CNTLN: variants seen among roughly 807,000 people sequenced by gnomAD.
CNTLN encodes centlein, centrosomal protein.
A neutral mutation model predicts 180.0 loss-of-function variants in CNTLN; 212 were observed. The observed-to-expected ratio is 1.18, with a 90% confidence interval of 1.05 to 1.32. CNTLN has a LOEUF of 1.32. Among genes scored for constraint, CNTLN ranks in the 40% most tolerant of loss-of-function variants. The probability of loss-of-function intolerance (pLI) is 0.00; values close to 1 mark genes in which losing one functional copy is unlikely to be tolerated. For missense variants in CNTLN, 2,095 were observed against 1,610.9 expected (o/e 1.30, Z -5.14); for synonymous variants, 722 against 563.1 (o/e 1.28, Z -3.99).
At chr9:17,490,874 G>A (rs532203977) in intron 25 of CNTLN, among the ~76,000 whole-genome samples, 17 of 152,050 alleles carry the variant, frequency 1.1e-4, no homozygotes, top group Non-Finnish European at 2.2e-4. Context: ...TTCTTTAAAT[G>A]CAATTGAACT....
At chr9:17,379,537 G>A (rs886948557) in intron 13 of CNTLN, among the ~76,000 whole-genome samples, 2 of 152,110 alleles carry the variant, frequency 1.3e-5, no homozygotes, top group African/African-American at 4.8e-5. Flanking sequence ...GTAAGCTGGG[G>A]TAATTAAAGA....
chr9:17,493,580 TCTG>T (rs1833286917), intron 25 of CNTLN, among the ~76,000 whole-genome samples: 1 of 152,162 alleles, frequency 6.6e-6, no homozygotes, highest in Non-Finnish European at 1.5e-5. Flanking sequence ...GTCACCTCAT[TCTG>T]TTTTTTTAAC....
chr9:17,472,683 A>G (rs1368941413), intron 23 of CNTLN, among the ~76,000 whole-genome samples: 21 of 152,118 alleles, frequency 1.4e-4, no homozygotes. Flanking sequence ...AAAGTTCTGC[A>G]TTGGGAAGAA....
At chr9:17,169,043 G>A (rs1586988595) in intron 2 of CNTLN, among the ~76,000 whole-genome samples, 1 of 152,134 alleles carries the variant, frequency 6.6e-6, no homozygotes, top group South Asian at 2.1e-4. Context: ...TGTCACCCAG[G>A]ATAGAGTATA....
intron 6 of CNTLN, among the ~76,000 whole-genome samples, chr9:17,290,997 C>T (rs1044678993): frequency 4.6e-5 from 7 of 152,110 alleles, no homozygotes; most frequent in African/African-American, 7.2e-5. Context: ...GAGCTGTAGA[C>T]CGGAGCTGTT....
intron 15 of CNTLN, among the ~76,000 whole-genome samples, chr9:17,407,699 C>T (rs778022109): frequency 3.3e-5 from 5 of 152,116 alleles, no homozygotes; most frequent in Non-Finnish European, 7.3e-5. Flanking sequence ...ATGATGTATA[C>T]GCCAGAGAAG....
chr9:17,290,933 G>A (rs567311649), intron 6 of CNTLN, among the ~76,000 whole-genome samples: 24 of 152,238 alleles, frequency 1.6e-4, no homozygotes, highest in African/African-American at 5.1e-4. Flanking sequence ...AGAGAAACCC[G>A]GTACCTCAGA....
chr9:17,135,626 T>G (rs1157144189), intron 1 of CNTLN, among the ~76,000 whole-genome samples: 4 of 152,092 alleles, frequency 2.6e-5, no homozygotes, highest in African/African-American at 9.7e-5. Flanking sequence ...CCTGCCCCTT[T>G]CCGAACTGCG....
chr9:17,400,133 A>ATTAT (rs1424641397), intron 15 of CNTLN, among the ~76,000 whole-genome samples: 3 of 151,898 alleles, frequency 2.0e-5, no homozygotes, highest in Admixed American at 6.6e-5. Flanking sequence ...CAACTCTACC[A>ATTAT]TTATTTATTT....
chr9:17,319,807 A>G (rs1268740442), intron 8 of CNTLN, among the ~76,000 whole-genome samples: 1 of 151,542 alleles, frequency 6.6e-6, no homozygotes, highest in Non-Finnish European at 1.5e-5. Context: ...TTTTTCTTAT[A>G]TTGGTGGGGA....
chr9:17,243,303 G>T (rs544668770), intron 5 of CNTLN, among the ~76,000 whole-genome samples: 22 of 151,810 alleles, frequency 1.4e-4, no homozygotes, highest in South Asian at 2.1e-4. Context: ...TTTGTATTGT[G>T]TATTTCAATT....
At chr9:17,219,154 C>T (rs1356336255) in intron 2 of CNTLN, among the ~76,000 whole-genome samples, 1 of 151,930 alleles carries the variant, frequency 6.6e-6, no homozygotes, top group Non-Finnish European at 1.5e-5. Flanking sequence ...TCGCTCACAT[C>T]ATTATTGCAC....
intron 2 of CNTLN, among the ~76,000 whole-genome samples, chr9:17,153,743 G>C (rs976743392): frequency 3.3e-5 from 5 of 152,188 alleles, no homozygotes; most frequent in Non-Finnish European, 5.9e-5. Flanking sequence ...ATATCCTGAA[G>C]AGTGTTTTCC....
At chr9:17,408,263 TA>T (rs1418402727) in intron 15 of CNTLN, among the ~76,000 whole-genome samples, 1 of 151,948 alleles carries the variant, frequency 6.6e-6, no homozygotes, top group Non-Finnish European at 1.5e-5. Context: ...TCTAAATAGT[TA>T]AAAGCTCATC....
At chr9:17,508,990 C>G in the CNTLN span, among the ~76,000 whole-genome samples, 1 of 152,134 alleles carries the variant, frequency 6.6e-6, no homozygotes, top group African/African-American at 2.4e-5. Context: ...AAAGGGTGAC[C>G]TCAGCGAGGA....
At chr9:17,178,565 C>G (rs1162065257) in intron 2 of CNTLN, among the ~76,000 whole-genome samples, 1 of 152,122 alleles carries the variant, frequency 6.6e-6, no homozygotes, top group Non-Finnish European at 1.5e-5. Context: ...GGTCTGGAGC[C>G]CTGCCCCACA....
intron 6 of CNTLN, among the ~76,000 whole-genome samples, chr9:17,297,163 A>G (rs946972141): frequency 6.6e-6 from 1 of 152,182 alleles, no homozygotes; most frequent in African/African-American, 2.4e-5. Flanking sequence ...TTTTCTTGTC[A>G]TTATTCCCTA....
intron 23 of CNTLN, among the ~76,000 whole-genome samples, chr9:17,481,353 C>T (rs1237087743): frequency 1.3e-5 from 2 of 152,182 alleles, no homozygotes. Flanking sequence ...CCCCATCCAA[C>T]CAGGGAGCTC....
At chr9:17,457,284 C>A (rs1413885284) in intron 18 of CNTLN, among the ~76,000 whole-genome samples, 1 of 151,968 alleles carries the variant, frequency 6.6e-6, no homozygotes, top group African/African-American at 2.4e-5. Context: ...TGAGTCAGGA[C>A]CAGCCAACCA....
Sources: gnomAD v4.1 joint callset for allele counts (sites outside exome capture counted in the v4.1 genomes callset) on GRCh38, gnomAD v4.1.1 for gene constraint, MANE v1.5 for transcripts, NCBI Gene and HGNC (gene_info 2026-07-23, HGNC 2026-07-21) for gene names.